The following SBSPON variants were observed in gnomAD, a reference collection of about 807,000 sequenced individuals.
The protein encoded by SBSPON is somatomedin B and thrombospondin type 1 domain containing, also known as somatomedin-B and thrombospondin type-1 domain-containing protein.
Under a neutral mutation model 35.8 loss-of-function variants are expected in SBSPON, and 30 were observed. That is an observed-to-expected ratio of 0.84 (90% confidence interval 0.63 to 1.14). The LOEUF (loss-of-function observed/expected upper bound fraction) is 1.14, where lower values mean the gene tolerates loss of function less well. Ranked by LOEUF, SBSPON falls within the 50% of genes most tolerant of loss-of-function variation. The pLI, the probability that SBSPON is intolerant of heterozygous loss-of-function variation, is 0.00. For synonymous variants in SBSPON, 136 were observed against 135.9 expected (o/e 1.00, Z 0.00); for missense variants, 364 against 357.7 (o/e 1.02, Z -0.14).
chr8:73,071,471 C>T (rs966083815), intron 3 of SBSPON, among the ~76,000 whole-genome samples: 8 of 152,112 alleles, frequency 5.3e-5, no homozygotes, highest in South Asian at 2.1e-4. Flanking sequence ...TGAAGTCTAA[C>T]GTCCCATAAA....
At chr8:73,090,508 G>A (rs942578644) in intron 1 of SBSPON, among the ~76,000 whole-genome samples, 3 of 152,224 alleles carry the variant, frequency 2.0e-5, no homozygotes, top group Non-Finnish European at 4.4e-5. Context: ...GTCCAGGGCT[G>A]AGCAGGCTGG....
chr8:73,068,302 TA>T (rs1462034373), intron 4 of SBSPON, among the ~76,000 whole-genome samples: 7 of 152,352 alleles, frequency 4.6e-5, no homozygotes, highest in African/African-American at 1.4e-4. Context: ...TTACCCACTT[TA>T]TTGTTCTTAT....
At chr8:73,076,327 C>A (rs1810594271) in intron 2 of SBSPON, among the ~76,000 whole-genome samples, 1 of 152,048 alleles carries the variant, frequency 6.6e-6, no homozygotes, top group South Asian at 2.1e-4. Context: ...TACATGGGAA[C>A]AAAGAATTAA....
intron 2 of SBSPON, among the ~76,000 whole-genome samples, chr8:73,079,664 C>A (rs191842691): frequency 4.6e-5 from 7 of 152,112 alleles, no homozygotes; most frequent in Admixed American, 4.6e-4. Context: ...CCCCCAAGAC[C>A]GAGGGGAATC....
intron 2 of SBSPON, among the ~76,000 whole-genome samples, chr8:73,076,646 T>C (rs1810599247): frequency 6.6e-6 from 1 of 150,426 alleles, no homozygotes; most frequent in African/African-American, 2.4e-5. Flanking sequence ...GACTCCATCT[T>C]ATATGAAAAG....
At chr8:73,072,295 CAAAG>C (rs1217965901) in intron 2 of SBSPON, among the ~76,000 whole-genome samples, 26 of 150,018 alleles carry the variant, frequency 1.7e-4, no homozygotes, top group African/African-American at 3.4e-4. Context: ...AGAAAGGAAA[CAAAG>C]AAGGATAGAG....
chr8:73,085,100 T>C (rs1454767160), intron 1 of SBSPON, among the ~76,000 whole-genome samples: 1 of 151,940 alleles, frequency 6.6e-6, no homozygotes, highest in Non-Finnish European at 1.5e-5. Flanking sequence ...AGGAAGGAAG[T>C]GGGGTGGAAG....
In SBSPON at chr8:73,071,796, G is replaced by C; in HGVS notation, c.484C>G (p.His162Asp). ...CGAAATTACCCAGCATCCTCTGTGT[G>C]TGTAGACCAGTGTGGAGACGTAGCT... ...RQATSPHWST[H>D]TEDAGYCMEF... The change falls in exon 3 of 5, where the codon CAC (histidine) becomes GAC (aspartate). Residue 162 changes from histidine to aspartate, a missense_variant. By Grantham distance (81) the His-to-Asp change is moderately conservative. Transcript: ENST00000297354. 1.3e-6 allele frequency: 2 copies of C among 1,598,650 alleles called. No homozygotes were observed. The highest frequency in any genetic ancestry group is 1.7e-6 in the Non-Finnish European group (2 of 1,166,380).
chr8:73,090,736 A>C (rs1379403068), intron 1 of SBSPON, among the ~76,000 whole-genome samples: 2 of 152,160 alleles, frequency 1.3e-5, no homozygotes, highest in East Asian at 3.9e-4. Context: ...AGGGCTTCAG[A>C]ATATGCTCCT....
At chr8:73,068,094 A>C (rs749745437) in intron 4 of SBSPON, among the ~76,000 whole-genome samples, 3 of 152,196 alleles carry the variant, frequency 2.0e-5, no homozygotes, top group Non-Finnish European at 4.4e-5. Flanking sequence ...CTCTGATTTC[A>C]TAATGAAAAA....
chr8:73,071,765 A>C lies in SBSPON; in HGVS notation c.500+15T>G. 1.9e-6 allele frequency: 3 copies of C among 1,542,500 alleles called. No homozygotes were observed. Among genetic ancestry groups the C allele is most frequent in the Non-Finnish European group, 2.7e-6 (3 of 1,126,372 alleles). On this transcript the variant is annotated intron_variant, in intron 3 of 4. Transcript: ENST00000297354. ...TGAAAAACATGATTAAAAAAAAAAAAAAACACGAAATTACCCAGCATCCTC... is the reference window on the plus strand; with the variant it reads ...TGAAAAACATGATTAAAAAAAAAAACAAACACGAAATTACCCAGCATCCTC...
chr8:73,069,042 T>A (rs895220514), intron 4 of SBSPON, among the ~76,000 whole-genome samples: 1 of 152,184 alleles, frequency 6.6e-6, no homozygotes, highest in East Asian at 1.9e-4. Flanking sequence ...CCACACAGCC[T>A]GCAAAGTCAA....
At chr8:73,075,367 AC>A (rs767999871) in intron 2 of SBSPON, among the ~76,000 whole-genome samples, 5 of 149,318 alleles carry the variant, frequency 3.3e-5, no homozygotes, top group Non-Finnish European at 5.9e-5. Context: ...TTTTTAATAC[AC>A]CCCCCCCAAA....
In SBSPON at chr8:73,074,709, A is replaced by G. The variant is rs111790766; in HGVS notation, c.410-2839T>C. The stretch of plus-strand genomic sequence containing the variant: ...TTATGCTCTATGTGAAGTCAGATTT[A>G]AGAAAGGAAAAGAGAAACTTTTAGC... On this transcript the variant is annotated intron_variant, in intron 2 of 4. Coordinates refer to ENST00000297354, the MANE Select transcript of SBSPON (RefSeq NM_153225.4). 4.2e-3 allele frequency: 1,419 copies of G among 336,846 alleles called. 18 individuals are homozygous for G. Among genetic ancestry groups the G allele is most frequent in the African/African-American group, 0.03 (1,328 of 44,494 alleles). 20.9% of individuals were successfully genotyped at this position (336,846 alleles called of 1,614,324 possible). A position where few individuals can be genotyped will look rare whatever the true frequency, so the allele number is the denominator to read the frequency against.
chr8:73,084,876 T>A (rs941238197), intron 1 of SBSPON, among the ~76,000 whole-genome samples: 1 of 152,148 alleles, frequency 6.6e-6, no homozygotes, highest in Non-Finnish European at 1.5e-5. Flanking sequence ...ATTTGTTGTG[T>A]TTATTATTGA....
chr8:73,089,115 A>G (rs1185621288), intron 1 of SBSPON, among the ~76,000 whole-genome samples: 4 of 152,278 alleles, frequency 2.6e-5, no homozygotes, highest in African/African-American at 7.2e-5. Context: ...CAAAATATAA[A>G]CAAAGATGAT....
intron 2 of SBSPON, among the ~76,000 whole-genome samples, chr8:73,075,374 C>A (rs185424770): frequency 3.3e-4 from 50 of 152,318 alleles, no homozygotes; most frequent in South Asian, 1.7e-3. Flanking sequence ...TACACCCCCC[C>A]CAAATTCACT....
At position 73,069,859 on chromosome 8, in the gene SBSPON, G is replaced by A; in HGVS notation, c.623C>T (p.Pro208Leu). 6.2e-7 allele frequency: 1 copy of A among 1,614,066 alleles called. No homozygotes were observed. The highest frequency in any genetic ancestry group is 1.3e-5 in the African/African-American group (1 of 75,054). Residue 208 changes from proline to leucine, a missense_variant, in exon 4 of 5, where the codon CCA (proline) becomes CTA (leucine). Pro to Leu is a moderately conservative substitution (Grantham distance 98). Coordinates refer to ENST00000297354, the MANE Select transcript of SBSPON (RefSeq NM_153225.4). ...GYTVCVDCQPPAMNSVSLRCS... is the reference protein window; with the variant it reads ...GYTVCVDCQPLAMNSVSLRCS... The stretch of plus-strand genomic sequence containing the variant: ...ACGAAGGCTCACAGAGTTCATAGCT[G>A]GAGGCTGACAATCCACACACACCGT...
intron 2 of SBSPON, among the ~76,000 whole-genome samples, chr8:73,078,111 C>T (rs1374131318): frequency 6.6e-6 from 1 of 152,160 alleles, no homozygotes; most frequent in Admixed American, 6.5e-5. Context: ...CAGTGAGCAT[C>T]CGAAGCCCCT....
Sources: gnomAD v4.1 joint callset for allele counts (sites outside exome capture counted in the v4.1 genomes callset) on GRCh38, gnomAD v4.1.1 for gene constraint, MANE v1.5 for transcripts, NCBI Gene and HGNC (gene_info 2026-07-23, HGNC 2026-07-21) for gene names.